KCNQ4: variants seen among roughly 807,000 people sequenced by gnomAD.
The protein encoded by KCNQ4 is potassium voltage-gated channel subfamily KQT member 4.
In KCNQ4, 31 loss-of-function variants were observed where a neutral mutation model predicts 72.6. That is an observed-to-expected ratio of 0.43 (90% CI 0.32 to 0.58). The LOEUF is 0.58. KCNQ4 is among the 20% of genes least tolerant of loss of function. KCNQ4 has a pLI of 0.08. For missense variants in KCNQ4, 869 were observed against 962.6 expected (o/e 0.90, Z 1.29); for synonymous variants, 405 against 403.7 (o/e 1.00, Z -0.04).
At chr1:40,825,217 C>T (rs767996894) in intron 9 of KCNQ4, among the ~76,000 whole-genome samples, 1 of 152,194 alleles carries the variant, frequency 6.6e-6, no homozygotes, top group Non-Finnish European at 1.5e-5. Context: ...GCCAAATGGA[C>T]ATCTGGCCTT....
intron 11 of KCNQ4, among the ~76,000 whole-genome samples, chr1:40,834,697 C>T (rs531869784): frequency 6.6e-6 from 1 of 152,258 alleles, no homozygotes; most frequent in South Asian, 2.1e-4. Flanking sequence ...ACCCCAGCCT[C>T]CTTCTCGAGG....
chr1:40,815,313 C>T (rs938827208), intron 1 of KCNQ4, among the ~76,000 whole-genome samples: 2 of 152,002 alleles, frequency 1.3e-5, no homozygotes, highest in African/African-American at 4.8e-5. Context: ...GAGTGGCCCA[C>T]TGCTGCCTGA....
intron 9 of KCNQ4, among the ~76,000 whole-genome samples, chr1:40,830,709 C>G (rs1038695052): frequency 6.6e-6 from 1 of 152,092 alleles, no homozygotes; most frequent in Non-Finnish European, 1.5e-5. Context: ...CCAAAGGGGT[C>G]GCCACCCCCA....
intron 7 of KCNQ4, among the ~76,000 whole-genome samples, chr1:40,820,551 A>G (rs780809671): frequency 6.6e-5 from 10 of 152,268 alleles, no homozygotes; most frequent in Non-Finnish European, 7.3e-5. Context: ...GGCGGAGCCC[A>G]GACAGGAGCT....
intron 1 of KCNQ4, among the ~76,000 whole-genome samples, chr1:40,789,331 C>G (rs921603253): frequency 2.0e-5 from 3 of 152,152 alleles, no homozygotes; most frequent in Admixed American, 6.5e-5. Flanking sequence ...GGAACCCAAG[C>G]CTTTTGTCTC....
At chr1:40,791,123 A>G (rs561030178) in intron 1 of KCNQ4, among the ~76,000 whole-genome samples, 2 of 152,234 alleles carry the variant, frequency 1.3e-5, no homozygotes, top group South Asian at 2.1e-4. Context: ...GGGAATCCCA[A>G]GGGAGATTTA....
chr1:40,796,559 T>C (rs2148299702), intron 1 of KCNQ4, among the ~76,000 whole-genome samples: 1 of 152,194 alleles, frequency 6.6e-6, no homozygotes, highest in South Asian at 2.1e-4. Context: ...CCCACCTAAC[T>C]CACCCGGACT....
intron 12 of KCNQ4, among the ~76,000 whole-genome samples, 193 bp from the exon 13 acceptor site, chr1:40,837,472 C>T (rs1648837651): frequency 6.6e-6 from 1 of 152,344 alleles, no homozygotes; most frequent in Non-Finnish European, 1.5e-5. Context: ...CTTTGCTTGG[C>T]CAGTGGAGAA....
chr1:40,814,695 C>A (rs1379966845), intron 1 of KCNQ4, among the ~76,000 whole-genome samples: 1 of 137,476 alleles, frequency 7.3e-6, no homozygotes, highest in African/African-American at 2.8e-5. Flanking sequence ...CAGAGTGAGA[C>A]CCTGTCTCAA....
At chr1:40,798,355 G>C (rs772558645) in intron 1 of KCNQ4, among the ~76,000 whole-genome samples, 1 of 152,192 alleles carries the variant, frequency 6.6e-6, no homozygotes, top group Non-Finnish European at 1.5e-5. Flanking sequence ...TTCACATCTC[G>C]AGCCTTAGCT....
Position 40,819,486 on chromosome 1 carries a change from T to C in KCNQ4, c.834+14T>C. 6.2e-7 allele frequency: 1 copy of C among 1,613,544 alleles called. No individual in the cohort carries two copies. Among genetic ancestry groups the C allele is most frequent in the Non-Finnish European group, 8.5e-7 (1 of 1,179,726 alleles). On this transcript the variant is annotated intron_variant, in intron 5 of 13. Transcript: ENST00000347132. ...TGGTGGGGGACGGTGCGTGAGGGTC[T>C]TTGTAGGGCTGCCCTTCTCCCTGGG... is the stretch of plus-strand genomic sequence containing the variant.
intron 1 of KCNQ4, among the ~76,000 whole-genome samples, chr1:40,809,310 C>T (rs1419820502): frequency 6.6e-6 from 1 of 152,194 alleles, no homozygotes; most frequent in Non-Finnish European, 1.5e-5. Flanking sequence ...CTCCTGTGAC[C>T]TCAGTCACCA....
intron 1 of KCNQ4, chr1:40,804,733 G>A (rs140563738): frequency 0.017 from 2,494 of 149,678 alleles, 31 homozygotes; most frequent in Middle Eastern, 0.042. Context: ...CTGGCGGATT[G>A]TTTGAGCCCA....
chr1:40,791,535 G>C lies in KCNQ4; in HGVS notation c.314+7128G>C, dbSNP rs544486158. On this transcript the variant is annotated intron_variant, in intron 1 of 13. Transcript: ENST00000347132. Reference sequence around the variant, plus strand: ...CTGGGGCAGGAGCTGCGTGCCCTGGGGATGAGGCACAGGAGGGGCAGCCCC... The same window carrying C: ...CTGGGGCAGGAGCTGCGTGCCCTGGCGATGAGGCACAGGAGGGGCAGCCCC... Among the ~76,000 whole-genome samples, 38 of 152,284 alleles carry C rather than the reference G, an allele frequency of 2.5e-4. 2 individuals carry two copies. Among genetic ancestry groups the C allele is most frequent in the African/African-American group, 8.2e-4 (34 of 41,552 alleles).
At chr1:40,827,122 GT>G (rs1648501828) in intron 9 of KCNQ4, among the ~76,000 whole-genome samples, 1 of 152,236 alleles carries the variant, frequency 6.6e-6, no homozygotes, top group Non-Finnish European at 1.5e-5. Flanking sequence ...AAGGAGCTGG[GT>G]TTGGCACCTT....
chr1:40,825,859 A>G (rs3767942), intron 9 of KCNQ4, among the ~76,000 whole-genome samples: 57,124 of 151,782 alleles, frequency 0.38, 12,077 homozygotes, highest in African/African-American at 0.55. Flanking sequence ...GTACCTGTAC[A>G]CTCCCCACGG....
intron 1 of KCNQ4, among the ~76,000 whole-genome samples, chr1:40,802,173 A>C (rs1023034159): frequency 5.3e-5 from 8 of 152,174 alleles, no homozygotes; most frequent in African/African-American, 1.9e-4. Context: ...CGTAAGGTGA[A>C]ATGACTTACT....
intron 1 of KCNQ4, among the ~76,000 whole-genome samples, chr1:40,793,658 C>T (rs1233503865): frequency 1.3e-5 from 2 of 152,308 alleles, no homozygotes; most frequent in Non-Finnish European, 2.9e-5. Flanking sequence ...AAATGCCCTC[C>T]ACACAAGCAT....
rs768363156 is a variant in KCNQ4, at chr1:40,835,033, C to T, written c.1680C>T (p.Asp560=). The change falls in exon 12 of 14, where the codon GAC becomes GAT. Residue 560 remains aspartate, a synonymous_variant. Coordinates refer to ENST00000347132, the MANE Select transcript of KCNQ4 (RefSeq NM_004700.4). The stretch of plus-strand genomic sequence containing the variant: ...CACTGCGACCGTACGACGTGAAGGA[C>T]GTCATTGAGCAGTACTCAGCAGGCC... ...KETLRPYDVK[D]VIEQYSAGHL... The T allele has an allele frequency of 6.1e-5, 98 of 1,614,006 alleles. No homozygotes were observed. Among genetic ancestry groups the T allele is most frequent in the Non-Finnish European group, 7.5e-5 (89 of 1,179,984 alleles).
Sources: gnomAD v4.1 joint callset for allele counts (sites outside exome capture counted in the v4.1 genomes callset) on GRCh38, gnomAD v4.1.1 for gene constraint, MANE v1.5 for transcripts, NCBI Gene and HGNC (gene_info 2026-07-23, HGNC 2026-07-21) for gene names.